ANGPTL2: variants seen among roughly 807,000 people sequenced by gnomAD.
ANGPTL2 encodes angiopoietin like 2, also known as angiopoietin-related protein 2.
In ANGPTL2, 25 loss-of-function variants were observed where a neutral mutation model predicts 52.8. The observed-to-expected ratio is 0.47, with a 90% CI of 0.35 to 0.66. ANGPTL2 has a LOEUF of 0.66. Among genes scored for constraint, ANGPTL2 ranks in the 30% least tolerant of loss-of-function variants. The pLI is 0.01. For missense variants in ANGPTL2, 546 were observed against 656.9 expected, an observed-to-expected ratio of 0.83 and a Z score of 1.84; for synonymous variants, 276 against 277.4, an observed-to-expected ratio of 1.00 and a Z score of 0.05.
chr9:127,089,113 T>A lies in ANGPTL2; in HGVS notation c.1308A>T (p.Gly436=). The stretch of plus-strand genomic sequence containing the variant: ...GGGCACAGGCGTTATACCACCAGCC[T>A]CCCTTCTGGTAGTGGGCACAGTTTC... ...YTGNCAHYQK[G]GWWYNACAHS... Residue 436 remains glycine (G), a synonymous_variant, in exon 5 of 5, where the codon GGA becomes GGT. Coordinates refer to ENST00000373425, the MANE Select transcript of ANGPTL2 (RefSeq NM_012098.3). 4.3e-6 allele frequency: 7 copies of A among 1,614,144 alleles called. No homozygotes were observed. The highest frequency in any genetic ancestry group is 5.9e-6 in the Non-Finnish European group (7 of 1,180,014).
intron 2 of ANGPTL2, chr9:127,106,793 T>C (rs2054261259): frequency 1.3e-5 from 2 of 152,272 alleles, no homozygotes; most frequent in Admixed American, 6.5e-5. Context: ...AGCCCCTCTT[T>C]GGAATTAGCA....
intron 3 of ANGPTL2, among the ~76,000 whole-genome samples, chr9:127,092,789 T>C (rs1254443278): frequency 6.6e-6 from 1 of 151,792 alleles, no homozygotes; most frequent in African/African-American, 2.4e-5. Context: ...GCTCCTAATG[T>C]AGGTGGAAGA....
intron 2 of ANGPTL2, among the ~76,000 whole-genome samples, chr9:127,094,770 A>G (rs2052914164): frequency 6.6e-6 from 1 of 152,212 alleles, no homozygotes; most frequent in Non-Finnish European, 1.5e-5. Context: ...ATACAGCCCA[A>G]TCCATGGCTC....
At chr9:127,107,776 A>G in intron 2 of ANGPTL2, 139 bp downstream of exon 2, 1 of 849,120 alleles carries the variant, frequency 1.2e-6, no homozygotes, top group African/African-American at 1.7e-5. Flanking sequence ...AGCTCAGCCC[A>G]AGGGATTGCT....
At chr9:127,114,955 C>A (rs1440847356) in intron 1 of ANGPTL2, among the ~76,000 whole-genome samples, 1 of 152,178 alleles carries the variant, frequency 6.6e-6, no homozygotes, top group East Asian at 1.9e-4. Context: ...GTATGGTGTG[C>A]TGGTAGGGAA....
chr9:127,108,826 C>T, intron 1 of ANGPTL2, 46 bp from the exon 2 acceptor site: 1 of 1,312,768 alleles, frequency 7.6e-7, no homozygotes, highest in South Asian at 1.5e-5. Context: ...CCACCACTGT[C>T]AGTGCCCTGT....
At position 127,108,057 on chromosome 9, in the gene ANGPTL2, G is replaced by A. The variant is rs769409604; in HGVS notation, c.675C>T (p.Tyr225=). The A allele has an allele frequency of 1.2e-6, 2 of 1,605,632 alleles. No individual in the cohort carries two copies. The highest frequency in any genetic ancestry group is 1.7e-6 in the Non-Finnish European group (2 of 1,174,574). The change falls in exon 2 of 5, where the codon TAC becomes TAT. Residue 225 remains tyrosine, a synonymous_variant. Transcript: ENST00000373425. ...TGATGCGGTTGTAGGTGGGTGGTTG[G>A]TAGACCCGGGGCGGGGCAGCGGGGG... The part of the protein sequence containing the change: ...QPPPAAPPRV[Y]QPPTYNRIIN...
chr9:127,090,169 T>C (rs1322071976), intron 4 of ANGPTL2, among the ~76,000 whole-genome samples: 2 of 152,202 alleles, frequency 1.3e-5, no homozygotes, highest in African/African-American at 4.8e-5. Flanking sequence ...GGGCACGCCA[T>C]AACCAGCCTC....
At chr9:127,093,602 G>T in intron 3 of ANGPTL2, 131 bp downstream of exon 3, 1 of 1,135,630 alleles carries the variant, frequency 8.8e-7, no homozygotes, top group Non-Finnish European at 1.3e-6. Flanking sequence ...TATATGTGTT[G>T]TTGGGGCCGC....
At chr9:127,095,889 G>A (rs904104665) in intron 2 of ANGPTL2, among the ~76,000 whole-genome samples, 1 of 152,228 alleles carries the variant, frequency 6.6e-6, no homozygotes, top group African/African-American at 2.4e-5. Flanking sequence ...AACCTGACGG[G>A]AAGGCAGGGG....
Position 127,091,830 on chromosome 9 carries a change from G to T in ANGPTL2, c.1122C>A (p.Gly374=), listed in dbSNP as rs1279004267. The part of the protein sequence containing the change: ...KLLVTMEDWS[G]RKVFAEYASF... ...TGGCGTATTCTGCAAAGACTTTGCG[G>T]CCGGACCAGTCCTCCATGGTCACCA... The change falls in exon 4 of 5, where the codon GGC becomes GGA. Residue 374 remains glycine (G), a synonymous_variant. Coordinates refer to ENST00000373425, the MANE Select transcript of ANGPTL2 (RefSeq NM_012098.3). This position sits in a 1 kb window ranked among gnomAD's most constrained non-coding sequence, Gnocchi z 4.3. The T allele has an allele frequency of 3.1e-6, 5 of 1,614,168 alleles. No homozygotes were observed. Among genetic ancestry groups the T allele is most frequent in the Non-Finnish European group, 4.2e-6 (5 of 1,180,024 alleles).
At chr9:127,103,275 T>C (rs775605543) in intron 2 of ANGPTL2, among the ~76,000 whole-genome samples, 3 of 152,254 alleles carry the variant, frequency 2.0e-5, no homozygotes, top group Non-Finnish European at 2.9e-5. Flanking sequence ...AACACTCTTG[T>C]TCAAGTTGTC....
intron 1 of ANGPTL2, among the ~76,000 whole-genome samples, chr9:127,110,075 C>T (rs912189672): frequency 3.9e-5 from 6 of 152,194 alleles, no homozygotes; most frequent in Admixed American, 6.5e-5. Context: ...CTCTGCAGCT[C>T]TTGTTGCATT....
chr9:127,089,997 C>A (rs2136355698), intron 4 of ANGPTL2, among the ~76,000 whole-genome samples: 1 of 152,280 alleles, frequency 6.6e-6, no homozygotes, highest in Non-Finnish European at 1.5e-5. Context: ...GTGGCCGAGG[C>A]CGTGGGATGA....
At chr9:127,113,780 A>G (rs1335136286) in intron 1 of ANGPTL2, among the ~76,000 whole-genome samples, 2 of 152,176 alleles carry the variant, frequency 1.3e-5, no homozygotes, top group Admixed American at 1.3e-4. Context: ...CAGCCTCTCC[A>G]GGGCTTGGGT....
chr9:127,090,180 C>T (rs897241297), intron 4 of ANGPTL2, among the ~76,000 whole-genome samples: 1 of 152,214 alleles, frequency 6.6e-6, no homozygotes. Flanking sequence ...AACCAGCCTC[C>T]TCTTTGCCAG....
intron 1 of ANGPTL2, among the ~76,000 whole-genome samples, chr9:127,110,761 A>T (rs2054723165): frequency 6.6e-6 from 1 of 152,042 alleles, no homozygotes; most frequent in Admixed American, 6.6e-5. Flanking sequence ...TTCATACCCC[A>T]CATCTAATTC....
In ANGPTL2 at chr9:127,093,598, T is replaced by A. The variant is rs1248072668; in HGVS notation, c.1011+135A>T. 14 of 1,070,708 alleles carry A rather than the reference T, an allele frequency of 1.3e-5. No homozygotes were observed. The East Asian group carries it at 1.7e-4, about 13-fold the overall frequency. The allele number at this position is 1,070,708 out of a possible 1,614,324, so 66.3% of individuals were successfully genotyped here. On this transcript the variant is annotated intron_variant, in intron 3 of 4. Transcript: ENST00000373425. ...GCATCCTTCTCGCCTCAGGTATATG[T>A]GTTGTTGGGGCCGCACAGGCCTGGG...
rs75655143 is a variant in ANGPTL2, at chr9:127,111,989, T to C, written c.-49-3209A>G. On this transcript the variant is annotated intron_variant, in intron 1 of 4. Coordinates refer to ENST00000373425, the MANE Select transcript of ANGPTL2 (RefSeq NM_012098.3). ...CAGGACCTAAAGATTTTGTCCTCCC[T>C]GAACCCCTTTGGGGGCTTCTCCAGT... 8.4e-3 allele frequency among the ~76,000 whole-genome samples: 1,276 copies of C among 152,372 alleles called. 17 individuals carry two copies. The highest frequency in any genetic ancestry group is 0.029 in the African/African-American group (1,203 of 41,582).
Sources: allele counts gnomAD v4.1 joint callset (sites outside exome capture counted in the v4.1 genomes callset), GRCh38; gene constraint gnomAD v4.1.1; non-coding constraint Gnocchi (gnomAD v3.1); transcripts MANE v1.5; gene names NCBI Gene and HGNC (gene_info 2026-07-23, HGNC 2026-07-21).